Variants in PAX7 observed in about 807,000 individuals in gnomAD.
The protein encoded by PAX7 is paired box 7.
A neutral mutation model predicts 50.7 loss-of-function variants in PAX7; 18 were observed. The ratio of observed to expected loss-of-function variants is 0.36; its 90% CI spans 0.25 to 0.53. PAX7 has a LOEUF of 0.53. Among genes scored for constraint, PAX7 ranks in the 20% least tolerant of loss-of-function variants. PAX7 has a pLI of 0.93. For synonymous variants in PAX7, 310 were observed against 290.4 expected, an observed-to-expected ratio of 1.07 and a Z score of -0.69; for missense variants, 644 against 702.9, an observed-to-expected ratio of 0.92 and a Z score of 0.95.
intron 4 of PAX7, among the ~76,000 whole-genome samples, chr1:18,662,340 A>G (rs2100481013): frequency 6.6e-6 from 1 of 152,300 alleles, no homozygotes; most frequent in East Asian, 1.9e-4. Context: ...GCGCGGGGCA[A>G]TGCTCATTGG....
rs147892067 is a variant in PAX7, at chr1:18,699,115, C to G, written c.787-1538C>G. On this transcript the variant is annotated intron_variant, in intron 5 of 8. Coordinates refer to ENST00000420770, the MANE Select transcript of PAX7 (RefSeq NM_001135254.2). ...TTCATTCATTCATTCGTCATTCACT[C>G]CTTCATTCATTCAACAAGTATTCCT... 4.4e-3 allele frequency among the ~76,000 whole-genome samples: 664 copies of G among 152,328 alleles called. 5 individuals carry two copies. Among genetic ancestry groups the G allele is most frequent in the African/African-American group, 0.015 (614 of 41,562 alleles).
At chr1:18,718,928 C>A (rs937275145) in intron 7 of PAX7, among the ~76,000 whole-genome samples, 1 of 152,158 alleles carries the variant, frequency 6.6e-6, no homozygotes, top group Non-Finnish European at 1.5e-5. Context: ...GCATGAGCCA[C>A]GGCACCCAGC....
At chr1:18,742,396 T>C (rs1931197333) in intron 8 of PAX7, among the ~76,000 whole-genome samples, 1 of 152,146 alleles carries the variant, frequency 6.6e-6, no homozygotes, top group South Asian at 2.1e-4. Context: ...GACCTCGTGA[T>C]CCACCCACCT....
intron 7 of PAX7, among the ~76,000 whole-genome samples, chr1:18,712,865 T>C (rs1259050684): frequency 2.6e-5 from 4 of 151,994 alleles, no homozygotes; most frequent in Non-Finnish European, 5.9e-5. Context: ...GCGGATCGCT[T>C]GAGGTCAGGA....
At chr1:18,641,456 G>A (rs2100435092) in intron 4 of PAX7, among the ~76,000 whole-genome samples, 1 of 152,306 alleles carries the variant, frequency 6.6e-6, no homozygotes, top group South Asian at 2.1e-4. Flanking sequence ...TTCCCGGATT[G>A]AGTGAGGTTC....
intron 4 of PAX7, among the ~76,000 whole-genome samples, chr1:18,647,617 T>C (rs963056399): frequency 1.1e-4 from 16 of 152,058 alleles, no homozygotes; most frequent in African/African-American, 3.9e-4. Context: ...GCAAAATGGG[T>C]CCATGGACAC....
intron 4 of PAX7, among the ~76,000 whole-genome samples, chr1:18,637,700 C>T (rs1356452376): frequency 1.3e-5 from 2 of 152,268 alleles, no homozygotes; most frequent in African/African-American, 2.4e-5. Context: ...CCAGCCCCCA[C>T]AGGCGTGGTC....
chr1:18,657,002 T>G (rs1050979899), intron 4 of PAX7, among the ~76,000 whole-genome samples: 10 of 151,886 alleles, frequency 6.6e-5, no homozygotes, highest in Non-Finnish European at 8.8e-5. Flanking sequence ...AAAAAATAAA[T>G]AAAGAAAAAA....
chr1:18,723,312 C>T (rs1000319945), intron 7 of PAX7, among the ~76,000 whole-genome samples: 11 of 152,150 alleles, frequency 7.2e-5, no homozygotes, highest in Non-Finnish European at 1.0e-4. Flanking sequence ...TTTGCCACTA[C>T]GGAGCCATAT....
rs1289543160 is a variant in PAX7, at chr1:18,726,584, C to T, written c.1156-9048C>T. ...AGAAAACAACAAACAGGGTGAGGCT[C>T]AGTCTGTTCCCAGGCAGAGGGTTGG... On this transcript the variant is annotated intron_variant, in intron 7 of 8. Transcript: ENST00000420770. The surrounding 1 kb of genome is among the most constrained non-coding windows in gnomAD (Gnocchi z 4.8). Among the ~76,000 whole-genome samples the T allele has an allele frequency of 6.6e-6, 1 of 152,114 alleles. No homozygotes were observed. The highest frequency in any genetic ancestry group is 1.5e-5 in the Non-Finnish European group (1 of 68,032).
intron 8 of PAX7, 117 bp from the exon 9 acceptor site, chr1:18,744,697 G>GATGGAGAA (rs1931347720): frequency 2.1e-6 from 1 of 487,790 alleles, no homozygotes; most frequent in African/African-American, 2.7e-5. Context: ...TAAATGGATG[G>GATGGAGAA]ATGGATGGAT....
intron 5 of PAX7, among the ~76,000 whole-genome samples, chr1:18,696,671 C>T (rs2089153837): frequency 6.6e-6 from 1 of 152,042 alleles, no homozygotes; most frequent in South Asian, 2.1e-4. Flanking sequence ...CACATGTTCT[C>T]ATTTATTTGT....
chr1:18,708,895 G>A (rs925277869), intron 7 of PAX7, among the ~76,000 whole-genome samples: 1 of 152,158 alleles, frequency 6.6e-6, no homozygotes, highest in Admixed American at 6.5e-5. Flanking sequence ...AGAGACAGGT[G>A]GGGAAGACAG....
intron 4 of PAX7, among the ~76,000 whole-genome samples, chr1:18,677,908 C>T (rs2088846171): frequency 6.6e-6 from 1 of 150,506 alleles, no homozygotes; most frequent in East Asian, 2.0e-4. Context: ...ATGGTGCAAC[C>T]CTGTCTCTAC....
chr1:18,737,960 G>A (rs1930883313), intron 8 of PAX7, among the ~76,000 whole-genome samples: 1 of 152,240 alleles, frequency 6.6e-6, no homozygotes, highest in African/African-American at 2.4e-5. Flanking sequence ...ATGCACACAT[G>A]CTTGAGTGTG....
intron 4 of PAX7, among the ~76,000 whole-genome samples, chr1:18,643,394 C>T (rs115011842): frequency 0.023 from 3,573 of 152,282 alleles, 89 homozygotes; most frequent in East Asian, 0.13. Context: ...GACAGAGAGC[C>T]ACAGAGGAGG....
chr1:18,691,935 G>T lies in PAX7; in HGVS notation c.768G>T (p.Leu256=). ...AGGAGCTGGCGCAGAGGACCAAGCT[G>T]ACAGAGGCGCGTGTGCAGGTGAGGA... The part of the protein sequence containing the change: ...TREELAQRTK[L]TEARVQVWFS... The change falls in exon 5 of 9, where the codon CTG becomes CTT. Residue 256 remains leucine (L), a synonymous_variant. Coordinates refer to ENST00000420770, the MANE Select transcript of PAX7 (RefSeq NM_001135254.2). The T allele has an allele frequency of 6.2e-7, 1 of 1,613,782 alleles. No individual in the cohort carries two copies. The highest frequency in any genetic ancestry group is 1.1e-5 in the South Asian group (1 of 91,004).
Position 18,694,564 on chromosome 1 carries a change from T to TA in PAX7, c.786+2612dup, listed in dbSNP as rs2089127039. Reference sequence around the variant, plus strand: ...CCTGGAGAAGTGGAGACTTGAAAGATACAGCTGCTCTGAGCATCCCCAAAG... The same window carrying TA: ...CCTGGAGAAGTGGAGACTTGAAAGATAACAGCTGCTCTGAGCATCCCCAAAG... On this transcript the variant is annotated intron_variant, in intron 5 of 8. Coordinates refer to ENST00000420770, the MANE Select transcript of PAX7 (RefSeq NM_001135254.2). 2.6e-5 allele frequency among the ~76,000 whole-genome samples: 4 copies of TA among 151,334 alleles called. No homozygotes were observed. In the South Asian group the frequency reaches 8.3e-4, roughly 31 times the overall value.
chr1:18,727,338 ACACT>A lies in PAX7; in HGVS notation c.1156-8292_1156-8289del, dbSNP rs551853857. On this transcript the variant is annotated intron_variant, in intron 7 of 8. Coordinates refer to ENST00000420770, the MANE Select transcript of PAX7 (RefSeq NM_001135254.2). ...GCACACACAGTATTCACACATGCAC[ACACT>A]CTCTCATCCTCTCTCTCTCTCTCTC... Among the ~76,000 whole-genome samples, 50 of 146,706 alleles carry A rather than the reference ACACT, an allele frequency of 3.4e-4. 2 individuals are homozygous for A. The South Asian group carries it at 9.9e-3, about 29-fold the overall frequency.
Sources: allele counts gnomAD v4.1 joint callset (sites outside exome capture counted in the v4.1 genomes callset), GRCh38; gene constraint gnomAD v4.1.1; non-coding constraint Gnocchi (gnomAD v3.1); transcripts MANE v1.5; gene names NCBI Gene and HGNC (gene_info 2026-07-23, HGNC 2026-07-21).